PDK1: variants seen among roughly 807,000 people sequenced by gnomAD.
The protein encoded by PDK1 is pyruvate dehydrogenase kinase 1, also known as [Pyruvate dehydrogenase (acetyl-transferring)] kinase isozyme 1, mitochondrial.
A neutral mutation model predicts 54.2 loss-of-function variants in PDK1; 39 were observed. The ratio of observed to expected loss-of-function variants is 0.72; its 90% CI spans 0.56 to 0.94. The LOEUF (loss-of-function observed/expected upper bound fraction) is 0.94. Ranked by LOEUF, PDK1 falls within the 40% of genes least tolerant of loss-of-function variation. The pLI, the probability that PDK1 is intolerant of heterozygous loss-of-function variation, is 0.00. For missense variants in PDK1, 552 were observed against 566.0 expected (o/e 0.98, Z 0.25); for synonymous variants, 221 against 207.1 (o/e 1.07, Z -0.58).
chr2:172,695,487 G>T, the PDK1 span, among the ~76,000 whole-genome samples: 1 of 152,192 alleles, frequency 6.6e-6, no homozygotes, highest in Non-Finnish European at 1.5e-5. Context: ...ATTACCTGTG[G>T]TGGACAGACT....
Position 172,556,327 on chromosome 2 carries a change from G to A in PDK1, c.177G>A (p.Met59Ile), listed in dbSNP as rs778422206. ...GCTTCTCGCCGTCCCCGCTCTCCAT[G>A]AAGCAGTTCCTGGACTTCGGTGAGT... The part of the protein sequence containing the change: ...YARFSPSPLS[M>I]KQFLDFGSVN... Residue 59 changes from methionine to isoleucine, a missense_variant, in exon 1 of 11, where the codon ATG becomes ATA. Met to Ile is a conservative substitution (Grantham distance 10). Transcript: ENST00000282077. The A allele has an allele frequency of 6.8e-7, 1 of 1,478,046 alleles. No individual in the cohort carries two copies. The highest frequency in any genetic ancestry group is 1.3e-5 in the South Asian group (1 of 74,172). The allele number at this position is 1,478,046 out of a possible 1,614,324, so 91.6% of individuals were successfully genotyped here. A position where few individuals can be genotyped will look rare whatever the true frequency, so the allele number is the denominator to read the frequency against.
chr2:172,589,083 C>T (rs1690424168), intron 9 of PDK1, among the ~76,000 whole-genome samples: 1 of 152,178 alleles, frequency 6.6e-6, no homozygotes, highest in African/African-American at 2.4e-5. Flanking sequence ...TTTTTCTTCC[C>T]TGTTAACTGG....
At chr2:172,700,664 G>A in the PDK1 span, among the ~76,000 whole-genome samples, 1 of 152,150 alleles carries the variant, frequency 6.6e-6, no homozygotes, top group Admixed American at 6.5e-5. Context: ...GCTGGGAGGT[G>A]GAGGTTGTAG....
rs929315851 is a variant in PDK1 at position 172,607,049 on chromosome 2, C to G, written c.*11080C>G. On this transcript the variant is annotated 3_prime_UTR_variant, in exon 11 of 11. Coordinates refer to ENST00000282077, the MANE Select transcript of PDK1 (RefSeq NM_002610.5). ...GAAACAGTTTGTGTCTAAATTAGCT[C>G]TCAGGCATATTGTCTTCAAAGGAAT... The G allele has an allele frequency of 5.3e-5, 8 of 152,158 alleles. 1 individual carries two copies. The highest frequency in any genetic ancestry group is 4.6e-4 in the Admixed American group (7 of 15,280). The allele number at this position is 152,158 out of a possible 1,614,324, so 9.4% of individuals were successfully genotyped here.
the PDK1 span, among the ~76,000 whole-genome samples, chr2:172,700,492 C>T: frequency 3.0e-3 from 449 of 150,272 alleles, 4 homozygotes; most frequent in African/African-American, 0.01. Flanking sequence ...GGATGACGGC[C>T]GGGAAGAGGT....
At chr2:172,688,046 A>T in the PDK1 span, among the ~76,000 whole-genome samples, 2 of 152,184 alleles carry the variant, frequency 1.3e-5, no homozygotes, top group African/African-American at 4.8e-5. Flanking sequence ...GTCAATTAAG[A>T]ATGATGGCAA....
At chr2:172,701,692 A>T in the PDK1 span, among the ~76,000 whole-genome samples, 4 of 76,222 alleles carry the variant, frequency 5.2e-5, no homozygotes, top group Non-Finnish European at 5.7e-5. Flanking sequence ...TTCTACTTCT[A>T]GTTCTGTTAA....
At chr2:172,651,275 A>G in the PDK1 span, among the ~76,000 whole-genome samples, 16 of 152,362 alleles carry the variant, frequency 1.1e-4, 2 homozygotes, top group African/African-American at 3.8e-4. Flanking sequence ...TTTGAAACCA[A>G]TGAGAACAAA....
At position 172,556,186 on chromosome 2, in the gene PDK1, G is replaced by C; in HGVS notation, c.36G>C (p.Leu12Phe). The change falls in exon 1 of 11, where the codon TTG becomes TTC. Residue 12 changes from leucine to phenylalanine, a missense_variant. Physicochemically the swap from Leu to Phe is conservative, Grantham distance 22 (BLOSUM62 0). Transcript: ENST00000282077. The part of the protein sequence containing the change: ...RLARLLRGAA[L>F]AGPGPGLRAA... Reference sequence around the variant, plus strand: ...CGCGGCTGCTTCGCGGAGCCGCCTTGGCCGGCCCGGGCCCGGGGCTGCGCG... The same window carrying C: ...CGCGGCTGCTTCGCGGAGCCGCCTTCGCCGGCCCGGGCCCGGGGCTGCGCG... 2 of 1,418,190 alleles carry C rather than the reference G, an allele frequency of 1.4e-6. No individual in the cohort carries two copies. The highest frequency in any genetic ancestry group is 1.8e-6 in the Non-Finnish European group (2 of 1,093,148). The allele number at this position is 1,418,190 out of a possible 1,614,324, so 87.9% of individuals were successfully genotyped here. A position where few individuals can be genotyped will look rare whatever the true frequency, so the allele number is the denominator to read the frequency against.
At chr2:172,570,123 C>T (rs1424808198) in intron 7 of PDK1, among the ~76,000 whole-genome samples, 1 of 152,166 alleles carries the variant, frequency 6.6e-6, no homozygotes, top group Non-Finnish European at 1.5e-5. Flanking sequence ...TTTTTAGTTA[C>T]ATCTAGTTTA....
In PDK1 at chr2:172,599,733, T is replaced by C. The variant is rs997586670; in HGVS notation, c.*3764T>C. ...TGTTTGGAAAAAAGAATTGAACATA[T>C]GTACCACCCCCCTCTTTCTAGAGTC... On this transcript the variant is annotated 3_prime_UTR_variant, in exon 11 of 11. Coordinates refer to ENST00000282077, the MANE Select transcript of PDK1 (RefSeq NM_002610.5). 3 of 152,222 alleles carry C rather than the reference T, an allele frequency of 2.0e-5. No homozygotes were observed. The highest frequency in any genetic ancestry group is 7.2e-5 in the African/African-American group (3 of 41,466). 9.4% of individuals were successfully genotyped at this position (152,222 alleles called of 1,614,324 possible). A position where few individuals can be genotyped will look rare whatever the true frequency, so the allele number is the denominator to read the frequency against.
the PDK1 span, among the ~76,000 whole-genome samples, chr2:172,627,357 CA>C: frequency 0.02 from 2,978 of 152,280 alleles, 86 homozygotes; most frequent in African/African-American, 0.066. Context: ...GCCAAAGCAA[CA>C]GCAGCTGGTA....
the PDK1 span, among the ~76,000 whole-genome samples, chr2:172,653,796 C>A: frequency 6.6e-6 from 1 of 152,142 alleles, no homozygotes; most frequent in African/African-American, 2.4e-5. Context: ...AACTAAAGAG[C>A]TTCTGCACAG....
At chr2:172,672,620 CT>C in the PDK1 span, among the ~76,000 whole-genome samples, 1,292 of 147,460 alleles carry the variant, frequency 8.8e-3, 20 homozygotes, top group African/African-American at 0.028. Context: ...ATTTTTCTTT[CT>C]TTTTTTTTTT....
the PDK1 span, among the ~76,000 whole-genome samples, chr2:172,692,149 G>A: frequency 5.9e-5 from 9 of 152,130 alleles, no homozygotes; most frequent in South Asian, 2.1e-4. Flanking sequence ...AGAGGGATGC[G>A]TCCAGGGATA....
chr2:172,698,978 C>A, the PDK1 span, among the ~76,000 whole-genome samples: 4 of 152,174 alleles, frequency 2.6e-5, no homozygotes, highest in South Asian at 8.3e-4. Context: ...AAGGAGAGTG[C>A]CTTGACTCAA....
the PDK1 span, among the ~76,000 whole-genome samples, chr2:172,631,790 A>G: frequency 6.6e-6 from 1 of 152,014 alleles, no homozygotes; most frequent in African/African-American, 2.4e-5. Context: ...TATCAACCCA[A>G]CTGTCTCTTG....
At chr2:172,633,219 ATT>A in the PDK1 span, among the ~76,000 whole-genome samples, 1 of 91,086 alleles carries the variant, frequency 1.1e-5, no homozygotes. Context: ...ATTAAAAAAA[ATT>A]TTTTTTTTTA....
intron 6 of PDK1, 76 bp downstream of exon 6, chr2:172,567,009 A>T: frequency 1.0e-6 from 1 of 992,530 alleles, no homozygotes; most frequent in Non-Finnish European, 1.5e-6. Flanking sequence ...TAAATGTTTT[A>T]ATGGAAGATG....
Sources: allele counts gnomAD v4.1 joint callset (sites outside exome capture counted in the v4.1 genomes callset), GRCh38; gene constraint gnomAD v4.1.1; transcripts MANE v1.5; gene names NCBI Gene and HGNC (gene_info 2026-07-23, HGNC 2026-07-21).